ZFP64: variants seen among roughly 807,000 people sequenced by gnomAD.
ZFP64 encodes ZFP64 zinc finger protein.
Under a neutral mutation model 51.6 loss-of-function variants are expected in ZFP64, and 14 were observed. That is an observed-to-expected ratio of 0.27 (90% CI 0.18 to 0.42). The LOEUF (loss-of-function observed/expected upper bound fraction) is 0.42, where lower values mean the gene tolerates loss of function less well. Among genes scored for constraint, ZFP64 ranks in the 10% least tolerant of loss-of-function variants. ZFP64 has a pLI of 1.00. For synonymous variants in ZFP64, 375 were observed against 361.4 expected, an observed-to-expected ratio of 1.04 and a Z score of -0.43; for missense variants, 754 against 906.8, an observed-to-expected ratio of 0.83 and a Z score of 2.16.
chr20:52,108,584 C>A (rs1367632711), intron 5 of ZFP64, among the ~76,000 whole-genome samples: 2 of 151,954 alleles, frequency 1.3e-5, no homozygotes, highest in Non-Finnish European at 2.9e-5. Context: ...TCTCAGCTCA[C>A]TGCAACCTCC....
chr20:52,105,177 G>T (rs764471544), intron 5 of ZFP64: 18 of 1,438,934 alleles, frequency 1.3e-5, no homozygotes, highest in Admixed American at 8.4e-5. Context: ...CACTCCCGGC[G>T]CGCAGGCCGC....
intron 5 of ZFP64, among the ~76,000 whole-genome samples, chr20:52,156,525 C>T (rs1981334047): frequency 6.6e-6 from 1 of 152,216 alleles, no homozygotes; most frequent in African/African-American, 2.4e-5. Context: ...ACCAGCAGAT[C>T]CTCAGACTAA....
intron 7 of ZFP64, chr20:52,097,332 C>T: frequency 6.3e-7 from 1 of 1,593,500 alleles, no homozygotes; most frequent in Non-Finnish European, 8.6e-7. Flanking sequence ...CATTCACGTC[C>T]CATCTTTCTT....
chr20:52,124,500 CAT>C (rs772859775), intron 5 of ZFP64, among the ~76,000 whole-genome samples: 52 of 152,150 alleles, frequency 3.4e-4, no homozygotes, highest in African/African-American at 7.2e-4. Context: ...AAAATAGTAA[CAT>C]GTGAATGATA....
intron 5 of ZFP64, among the ~76,000 whole-genome samples, chr20:52,107,749 C>G (rs367584031): frequency 6.6e-6 from 1 of 152,344 alleles, no homozygotes; most frequent in African/African-American, 2.4e-5. Flanking sequence ...ATGCCAGTTT[C>G]TTCACCTACT....
At chr20:52,121,575 G>C (rs1979193456) in intron 5 of ZFP64, among the ~76,000 whole-genome samples, 1 of 152,240 alleles carries the variant, frequency 6.6e-6, no homozygotes, top group Admixed American at 6.5e-5. Context: ...AAGTTGGAAG[G>C]TAAGAGGTTG....
At chr20:52,110,619 G>A in intron 5 of ZFP64, 1 of 938,358 alleles carries the variant, frequency 1.1e-6, no homozygotes, top group Non-Finnish European at 1.6e-6. Flanking sequence ...CAGAGGCCCT[G>A]ATGAACTCCT....
rs760016562 is a variant in ZFP64, at chr20:52,164,710, A to C, written c.496T>G (p.Leu166Val). The C allele has an allele frequency of 1.9e-6, 3 of 1,614,084 alleles. No homozygotes were observed. The Admixed American group carries it at 5.0e-5, about 27-fold the overall frequency. Residue 166 changes from leucine (L) to valine (V), a missense_variant, in exon 4 of 6, where the codon TTA becomes GTA. Around this residue, in one of 3 missense-constraint regions of ZFP64, gnomAD observed 231 missense variants for 336.7 expected, o/e 0.69. Transcript: ENST00000216923. ...AYGMKDMERH[L>V]KIHTGDKPHK... ...TGCTACTTACCCGTGTGAATTTTTAAATGCCGCTCCATGTCCTTCATGCCA... is the reference window on the plus strand; with the variant it reads ...TGCTACTTACCCGTGTGAATTTTTACATGCCGCTCCATGTCCTTCATGCCA...
chr20:52,105,316 C>T (rs1430355190), intron 5 of ZFP64: 3 of 1,254,632 alleles, frequency 2.4e-6, no homozygotes, highest in Non-Finnish European at 3.0e-6. Flanking sequence ...CGGAAATTAC[C>T]CCCCTTCGGC....
At chr20:52,145,767 G>A (rs1201052553) in intron 5 of ZFP64, among the ~76,000 whole-genome samples, 3 of 152,228 alleles carry the variant, frequency 2.0e-5, no homozygotes, top group Non-Finnish European at 4.4e-5. Flanking sequence ...GGGTGAGTCA[G>A]TGGGTGAGTG....
At chr20:52,100,741 T>TG (rs1310455893) in intron 5 of ZFP64, among the ~76,000 whole-genome samples, 2 of 152,226 alleles carry the variant, frequency 1.3e-5, no homozygotes, top group Non-Finnish European at 2.9e-5. Context: ...TGCTCAGCTA[T>TG]GTGCTGTGCA....
intron 3 of ZFP64, chr20:52,165,383 C>T (rs753079940): frequency 2.2e-5 from 10 of 454,382 alleles, no homozygotes; most frequent in Non-Finnish European, 4.0e-5. Flanking sequence ...TTGGGGAAAA[C>T]TATACTTGTA....
rs1349375903 is a variant in ZFP64, at chr20:52,191,691, A to G, written c.-55T>C. On this transcript the variant is annotated 5_prime_UTR_variant, in exon 1 of 6. Coordinates refer to ENST00000216923, the MANE Select transcript of ZFP64 (RefSeq NM_018197.3). The surrounding 1 kb of genome is among the most constrained non-coding windows in gnomAD (Gnocchi z 4.3). ...CGGGATGCCAAAGTGGGGGACGCTG[A>G]TCTACATGGTGCAAGGACTTTTCCT... 3.2e-6 allele frequency: 5 copies of G among 1,549,248 alleles called. No homozygotes were observed. The highest frequency in any genetic ancestry group is 4.3e-6 in the Non-Finnish European group (5 of 1,151,978).
intron 5 of ZFP64, among the ~76,000 whole-genome samples, chr20:52,102,614 C>A (rs2079065278): frequency 6.6e-6 from 1 of 152,118 alleles, no homozygotes; most frequent in Non-Finnish European, 1.5e-5. Flanking sequence ...GGTTTTAATT[C>A]CACAGAAGTC....
At chr20:52,129,481 T>G (rs1979617539) in intron 5 of ZFP64, among the ~76,000 whole-genome samples, 1 of 152,042 alleles carries the variant, frequency 6.6e-6, no homozygotes, top group Admixed American at 6.6e-5. Flanking sequence ...TTTATTTGCC[T>G]TTTTCCTTCT....
intron 2 of ZFP64, among the ~76,000 whole-genome samples, chr20:52,173,371 G>C (rs919616747): frequency 3.9e-5 from 6 of 152,184 alleles, no homozygotes; most frequent in African/African-American, 1.4e-4. Flanking sequence ...ATGATCACTT[G>C]AGACCAGGAG....
chr20:52,140,163 T>C (rs2122908658), intron 5 of ZFP64, among the ~76,000 whole-genome samples: 1 of 152,260 alleles, frequency 6.6e-6, no homozygotes, highest in East Asian at 1.9e-4. Flanking sequence ...CTCCCTCTAT[T>C]TGAGCTTCCC....
intron 5 of ZFP64, among the ~76,000 whole-genome samples, chr20:52,100,081 C>T (rs1332839509): frequency 6.6e-6 from 1 of 152,176 alleles, no homozygotes; most frequent in Non-Finnish European, 1.5e-5. Flanking sequence ...GCAAATTCCG[C>T]CTCCCGGGTT....
At chr20:52,164,562 T>A in intron 4 of ZFP64, 133 bp downstream of exon 4, 2 of 785,694 alleles carry the variant, frequency 2.5e-6, no homozygotes. Context: ...CCTTATTTTT[T>A]AAAATCTGGA....
Sources: allele counts gnomAD v4.1 joint callset (sites outside exome capture counted in the v4.1 genomes callset), GRCh38; gene constraint gnomAD v4.1.1; regional missense constraint gnomAD v4.1.1; non-coding constraint Gnocchi (gnomAD v3.1); transcripts MANE v1.5; gene names NCBI Gene and HGNC (gene_info 2026-07-23, HGNC 2026-07-21).